The following ZNF567 variants were observed in gnomAD, a reference collection of about 807,000 sequenced individuals.
The protein encoded by ZNF567 is zinc finger protein 567.
In ZNF567, 36 loss-of-function variants were observed where a neutral mutation model predicts 53.9. The ratio of observed to expected loss-of-function variants is 0.67; its 90% confidence interval spans 0.51 to 0.88. The LOEUF is 0.88. ZNF567 is among the 40% of genes least tolerant of loss of function. ZNF567 has a pLI of 0.00. For missense variants in ZNF567, 619 were observed against 764.7 expected (o/e 0.81, Z 2.25); for synonymous variants, 224 against 260.4 (o/e 0.86, Z 1.35).
chr19:36,706,643 C>A (rs887623636), intron 3 of ZNF567, among the ~76,000 whole-genome samples: 22 of 150,242 alleles, frequency 1.5e-4, no homozygotes, highest in Non-Finnish European at 2.7e-4. Context: ...ATATGATATA[C>A]CTGATTTCCA....
upstream of ZNF567, among the ~76,000 whole-genome samples, chr19:36,686,226 A>T (rs185344664): frequency 1.4e-4 from 21 of 152,256 alleles, no homozygotes; most frequent in Admixed American, 1.4e-3. Context: ...AAAATAGAAA[A>T]TACAACAAAA....
At chr19:36,695,602 G>A (rs2038845074) in intron 3 of ZNF567, among the ~76,000 whole-genome samples, 1 of 151,970 alleles carries the variant, frequency 6.6e-6, no homozygotes, top group Admixed American at 6.6e-5. Context: ...GGGAGGTTTA[G>A]GTGGGAGGAT....
At chr19:36,718,613 C>A (rs1268185281) in intron 5 of ZNF567, among the ~76,000 whole-genome samples, 1 of 152,208 alleles carries the variant, frequency 6.6e-6, no homozygotes, top group South Asian at 2.1e-4. Flanking sequence ...ATCCTACTTA[C>A]ATTTTAATGC....
At chr19:36,681,909 G>A in the ZNF567 span, among the ~76,000 whole-genome samples, 1 of 151,930 alleles carries the variant, frequency 6.6e-6, no homozygotes, top group African/African-American at 2.4e-5. Context: ...CTAATTTCTA[G>A]TAGTATAAGA....
intron 2 of ZNF567, among the ~76,000 whole-genome samples, 171 bp downstream of exon 2, chr19:36,689,668 G>GA (rs1436913612): frequency 6.6e-6 from 1 of 151,992 alleles, no homozygotes; most frequent in Non-Finnish European, 1.5e-5. Context: ...TCTTTGATAG[G>GA]ACCCAAGACA....
intron 1 of ZNF567, among the ~76,000 whole-genome samples, chr19:36,687,857 A>G (rs946103954): frequency 6.6e-6 from 1 of 152,106 alleles, no homozygotes; most frequent in Non-Finnish European, 1.5e-5. Context: ...TGAAGAAGGG[A>G]ACCGGTTGCC....
chr19:36,712,862 G>A lies in ZNF567; in HGVS notation c.218G>A (p.Cys73Tyr), dbSNP rs1054344008. 24 of 1,613,032 alleles carry A rather than the reference G, an allele frequency of 1.5e-5. No homozygotes were observed. The Middle Eastern group carries it at 1.3e-3, about 89-fold the overall frequency. ...EPWTSFAGHT[C>Y]LEENWKAEDF... Reference sequence around the variant, plus strand: ...TGGACATCATTTGCAGGTCATACCTGCTTGGGTGAGTTTCTGGCTCTTAGG... The same window carrying A: ...TGGACATCATTTGCAGGTCATACCTACTTGGGTGAGTTTCTGGCTCTTAGG... The change falls in exon 5 of 6, where the codon TGC becomes TAC. Residue 73 changes from cysteine to tyrosine, a missense_variant. By Grantham distance (194) the Cys-to-Tyr change is radical (BLOSUM62 -2). Coordinates refer to ENST00000682579, the MANE Select transcript of ZNF567 (RefSeq NM_001322917.1).
the ZNF567 span, among the ~76,000 whole-genome samples, chr19:36,674,511 T>C: frequency 6.6e-6 from 1 of 152,148 alleles, no homozygotes; most frequent in East Asian, 1.9e-4. Context: ...GGAGCAAGGC[T>C]GTCCTCTTAC....
At chr19:36,727,015 T>TC (rs2040338294), downstream of ZNF567, 14 of 145,824 alleles carry the variant, frequency 9.6e-5, no homozygotes, top group African/African-American at 2.8e-4. Context: ...TCTTTCCTTT[T>TC]TTTTTTTCCT....
At chr19:36,678,285 C>G in the ZNF567 span, among the ~76,000 whole-genome samples, 1 of 152,174 alleles carries the variant, frequency 6.6e-6, no homozygotes, top group Non-Finnish European at 1.5e-5. Context: ...CACCATCATG[C>G]CTCTGTGTCA....
the ZNF567 span, among the ~76,000 whole-genome samples, chr19:36,672,247 C>T: frequency 1.3e-5 from 2 of 152,278 alleles, no homozygotes; most frequent in South Asian, 2.1e-4. Context: ...AACTCATGCA[C>T]TGTAGCCAAT....
the ZNF567 span, among the ~76,000 whole-genome samples, chr19:36,671,468 TC>T: frequency 1.3e-5 from 2 of 152,102 alleles, no homozygotes; most frequent in African/African-American, 2.4e-5. Flanking sequence ...TACCAAGTGA[TC>T]CAAAAAACTG....
chr19:36,721,744 CTTTTTT>C (rs5827963), downstream of ZNF567, among the ~76,000 whole-genome samples: 1 of 101,486 alleles, frequency 9.9e-6, no homozygotes, highest in South Asian at 3.8e-4. Context: ...TTTTTTTTTT[CTTTTTT>C]TTTTTTTTTT....
At position 36,719,681 on chromosome 19, in the gene ZNF567, C is replaced by G. The variant is rs1188970414; in HGVS notation, c.957C>G (p.Arg319=). 17 of 1,613,880 alleles carry G rather than the reference C, an allele frequency of 1.1e-5. No individual in the cohort carries two copies. Among genetic ancestry groups the G allele is most frequent in the Non-Finnish European group, 1.4e-5 (17 of 1,179,996 alleles). Residue 319 remains arginine, a synonymous_variant, in exon 6 of 6, where the codon CGC becomes CGG. Coordinates refer to ENST00000682579, the MANE Select transcript of ZNF567 (RefSeq NM_001322917.1). ...GCAATGAATGTGGTAAGTCCTTCCG[C>G]CTCAAGACAGCCCTCACTGATCATC... The part of the protein sequence containing the change: ...FVCNECGKSF[R]LKTALTDHQR...
chr19:36,681,620 G>A, the ZNF567 span, among the ~76,000 whole-genome samples: 2 of 152,090 alleles, frequency 1.3e-5, no homozygotes, highest in South Asian at 2.1e-4. Context: ...TGTAGAAATG[G>A]AGTTTCACCA....
chr19:36,715,509 A>AATTATT lies in ZNF567; in HGVS notation c.223+2673_223+2678dup, dbSNP rs747530916. ...TAATAATAATAATAATAATAATAAT[A>AATTATT]ATTATTATTATTATTATTATTATTA... is the stretch of plus-strand genomic sequence containing the variant. On this transcript the variant is annotated intron_variant, in intron 5 of 5. Transcript: ENST00000682579. Among the ~76,000 whole-genome samples, 353 of 45,808 alleles carry AATTATT rather than the reference A, an allele frequency of 7.7e-3. 2 individuals are homozygous for AATTATT. Among genetic ancestry groups the AATTATT allele is most frequent in the East Asian group, 0.038 (38 of 1,008 alleles). 30.1% of individuals were successfully genotyped at this position (45,808 alleles called of 152,430 possible).
chr19:36,720,655 T>C lies in ZNF567; in HGVS notation c.1931T>C (p.Ile644Thr), dbSNP rs140175549. The part of the protein sequence containing the change: ...VHQRTHKGEN[I>T]EMQ The stretch of plus-strand genomic sequence containing the variant: ...CAAAGAACTCACAAGGGAGAAAACA[T>C]TGAAATGCAATAAATGATGTGGTTT... The change falls in exon 6 of 6, where the codon ATT becomes ACT. Residue 644 changes from isoleucine to threonine, a missense_variant. Coordinates refer to ENST00000682579, the MANE Select transcript of ZNF567 (RefSeq NM_001322917.1). 9.3e-3 allele frequency: 14,338 copies of C among 1,534,456 alleles called. 324 individuals are homozygous for C. The highest frequency in any genetic ancestry group is 0.079 in the South Asian group (6,024 of 76,048).
At chr19:36,672,356 A>G in the ZNF567 span, among the ~76,000 whole-genome samples, 1 of 152,232 alleles carries the variant, frequency 6.6e-6, no homozygotes, top group African/African-American at 2.4e-5. Flanking sequence ...AACAGGTAAA[A>G]AATATAAAGA....
In ZNF567 at chr19:36,720,795, CGGAATAA is replaced by C; in HGVS notation, c.*128_*134del. 1.2e-6 allele frequency: 1 copy of C among 811,750 alleles called. No individual in the cohort carries two copies. The highest frequency in any genetic ancestry group is 2.7e-5 in the South Asian group (1 of 36,914). The allele number at this position is 811,750 out of a possible 1,614,324, so 50.3% of individuals were successfully genotyped here. A position where few individuals can be genotyped will look rare whatever the true frequency, so the allele number is the denominator to read the frequency against. ...GTCTAATAATTATTAAAGTACCATA[CGGAATAA>C]CTGTCTACTGTTTACTAGCATATAA... is the stretch of plus-strand genomic sequence containing the variant. On this transcript the variant is annotated 3_prime_UTR_variant, in exon 6 of 6. Transcript: ENST00000682579.
Sources: gnomAD v4.1 joint callset for allele counts (sites outside exome capture counted in the v4.1 genomes callset) on GRCh38, gnomAD v4.1.1 for gene constraint, MANE v1.5 for transcripts, NCBI Gene and HGNC (gene_info 2026-07-23, HGNC 2026-07-21) for gene names.